Variants in MRPL42 observed in about 807,000 individuals in gnomAD.
MRPL42 encodes mitochondrial ribosomal protein L42, also known as large ribosomal subunit protein mL42.
MRPL42 carries 17 observed loss-of-function variants against 17.9 expected under a neutral mutation model. That is an observed-to-expected ratio of 0.95 (90% CI 0.65 to 1.42). The LOEUF is 1.42. MRPL42 is among the 40% of genes most tolerant of loss of function. The pLI is 0.00. For synonymous variants in MRPL42, 59 were observed against 54.4 expected (o/e 1.08, Z -0.37); for missense variants, 177 against 175.2 (o/e 1.01, Z -0.06).
chr12:93,490,498 T>C (rs1346469360), intron 5 of MRPL42, among the ~76,000 whole-genome samples: 1 of 152,254 alleles, frequency 6.6e-6, no homozygotes, highest in Non-Finnish European at 1.5e-5. Context: ...ATGTATCATC[T>C]TGCTGAATTT....
intron 5 of MRPL42, chr12:93,488,620 T>C (rs976764566): frequency 2.4e-5 from 6 of 251,620 alleles, no homozygotes; most frequent in Non-Finnish European, 3.7e-5. Context: ...TTTTGAGTTA[T>C]CGAAAAAAAC....
At chr12:93,477,163 A>T (rs1414385385) in intron 3 of MRPL42, 146 bp downstream of exon 3, 1 of 602,956 alleles carries the variant, frequency 1.7e-6, no homozygotes, top group Admixed American at 3.7e-5. Context: ...TAATGATTTT[A>T]TTTACCCAGT....
In MRPL42 at chr12:93,504,381, C is replaced by G; in HGVS notation, c.*3160C>G. The G allele has an allele frequency of 6.6e-6, 1 of 152,502 alleles. No individual in the cohort carries two copies. Among genetic ancestry groups the G allele is most frequent in the Non-Finnish European group, 1.5e-5 (1 of 68,104 alleles). 9.4% of individuals were successfully genotyped at this position (152,502 alleles called of 1,614,324 possible). A position where few individuals can be genotyped will look rare whatever the true frequency, so the allele number is the denominator to read the frequency against. On this transcript the variant is annotated 3_prime_UTR_variant, in exon 6 of 6. Coordinates refer to ENST00000549982, the MANE Select transcript of MRPL42 (RefSeq NM_014050.4). Reference sequence around the variant, plus strand: ...GTCTCGAACTCCTGACCTCAAGTGTCCACACACCTTGGCCTCCCAAAGTGC... The same window carrying G: ...GTCTCGAACTCCTGACCTCAAGTGTGCACACACCTTGGCCTCCCAAAGTGC...
At chr12:93,471,839 A>G (rs1879925443) in intron 2 of MRPL42, among the ~76,000 whole-genome samples, 1 of 152,188 alleles carries the variant, frequency 6.6e-6, no homozygotes, top group Non-Finnish European at 1.5e-5. Context: ...GTTGTTGAGA[A>G]TTGGGAGAAA....
intron 5 of MRPL42, among the ~76,000 whole-genome samples, chr12:93,496,798 CTA>C (rs767369265): frequency 2.0e-4 from 23 of 112,700 alleles, no homozygotes; most frequent in Middle Eastern, 0.012. Flanking sequence ...TTCTCAGAGA[CTA>C]TTTTTTTTGG....
Position 93,509,246 on chromosome 12 carries a change from T to G in MRPL42, c.*8025T>G, listed in dbSNP as rs1429322427. On this transcript the variant is annotated 3_prime_UTR_variant, in exon 6 of 6. Transcript: ENST00000549982. Reference sequence around the variant, plus strand: ...GCAAAGTGGTTGTACCATTTTATATTCTCACCACCATGAATGAAAGTTCCA... The same window carrying G: ...GCAAAGTGGTTGTACCATTTTATATGCTCACCACCATGAATGAAAGTTCCA... 2 of 151,988 alleles carry G rather than the reference T, an allele frequency of 1.3e-5. No individual in the cohort carries two copies. Among genetic ancestry groups the G allele is most frequent in the East Asian group, 3.8e-4 (2 of 5,202 alleles). 9.4% of individuals were successfully genotyped at this position (151,988 alleles called of 1,614,324 possible). A position where few individuals can be genotyped will look rare whatever the true frequency, so the allele number is the denominator to read the frequency against.
Position 93,501,252 on chromosome 12 carries a change from A to G in MRPL42, c.*31A>G. 1 of 1,570,702 alleles carries G rather than the reference A, an allele frequency of 6.4e-7. No homozygotes were observed. The highest frequency in any genetic ancestry group is 1.4e-5 in the African/African-American group (1 of 73,096). On this transcript the variant is annotated 3_prime_UTR_variant, in exon 6 of 6. Transcript: ENST00000549982. ...AGGTTCCTGGGGGAATCAAAGAGAA[A>G]TGTGCCTCATTTGCCATTTGAGAAA...
intron 5 of MRPL42, among the ~76,000 whole-genome samples, chr12:93,497,297 G>C (rs1040107798): frequency 6.6e-6 from 1 of 152,126 alleles, no homozygotes; most frequent in Non-Finnish European, 1.5e-5. Flanking sequence ...CTATGGGCCA[G>C]TATCCCTGAT....
chr12:93,491,408 A>C (rs889200600), intron 5 of MRPL42, among the ~76,000 whole-genome samples: 1 of 152,036 alleles, frequency 6.6e-6, no homozygotes, highest in African/African-American at 2.4e-5. Flanking sequence ...GTTTGTTTTC[A>C]GTTAAGTATC....
At chr12:93,486,628 G>C (rs1240634515) in intron 4 of MRPL42, among the ~76,000 whole-genome samples, 1 of 148,966 alleles carries the variant, frequency 6.7e-6, no homozygotes. Context: ...GTGAGCCACC[G>C]CACCCGGCCA....
At chr12:93,469,019 A>G (rs185484988) in intron 1 of MRPL42, among the ~76,000 whole-genome samples, 173 bp from the exon 2 acceptor site, 1 of 152,338 alleles carries the variant, frequency 6.6e-6, no homozygotes, top group East Asian at 1.9e-4. Flanking sequence ...CTGATCTTAT[A>G]TTCTGTCCAT....
At chr12:93,472,216 C>G (rs1225093368) in intron 2 of MRPL42, among the ~76,000 whole-genome samples, 1 of 152,110 alleles carries the variant, frequency 6.6e-6, no homozygotes, top group Admixed American at 6.6e-5. Flanking sequence ...ATTCCATTAT[C>G]AGTTATCCTA....
At position 93,507,919 on chromosome 12, in the gene MRPL42, C is replaced by T. The variant is rs1037879522; in HGVS notation, c.*6698C>T. The T allele has an allele frequency of 2.0e-5, 3 of 152,682 alleles. No homozygotes were observed. Among genetic ancestry groups the T allele is most frequent in the African/African-American group, 7.2e-5 (3 of 41,516 alleles). The allele number at this position is 152,682 out of a possible 1,614,324, so 9.5% of individuals were successfully genotyped here. A position where few individuals can be genotyped will look rare whatever the true frequency, so the allele number is the denominator to read the frequency against. The stretch of plus-strand genomic sequence containing the variant: ...TTGAGCCCAGGAGTTCAAGACCAGC[C>T]TGGGCAACATAGTGAGAGCCCATCT... On this transcript the variant is annotated 3_prime_UTR_variant, in exon 6 of 6. Coordinates refer to ENST00000549982, the MANE Select transcript of MRPL42 (RefSeq NM_014050.4).
intron 5 of MRPL42, chr12:93,488,621 C>T (rs921238236): frequency 2.8e-5 from 7 of 248,536 alleles, no homozygotes; most frequent in Admixed American, 1.1e-4. Context: ...TTTGAGTTAT[C>T]GAAAAAAACA....
chr12:93,470,358 G>T, intron 2 of MRPL42: 1 of 814,562 alleles, frequency 1.2e-6, no homozygotes, highest in Non-Finnish European at 1.6e-6. Context: ...AGAGTTTATA[G>T]CTCTTATAAA....
In MRPL42 at chr12:93,469,391, A is replaced by G. The variant is rs748654146; in HGVS notation, c.70+36A>G. 6.8e-6 allele frequency: 10 copies of G among 1,475,306 alleles called. No individual in the cohort carries two copies. The East Asian group carries it at 1.9e-4, about 28-fold the overall frequency. The allele number at this position is 1,475,306 out of a possible 1,614,324, so 91.4% of individuals were successfully genotyped here. ...TTTTTTTTAATGTTTAAAAACTTTT[A>G]AACTTTTAAGAATTAAGAAAATTTA... On this transcript the variant is annotated intron_variant, in intron 2 of 5. Coordinates refer to ENST00000549982, the MANE Select transcript of MRPL42 (RefSeq NM_014050.4).
chr12:93,471,347 A>G (rs1565808160), intron 2 of MRPL42, among the ~76,000 whole-genome samples: 1 of 152,066 alleles, frequency 6.6e-6, no homozygotes, highest in Non-Finnish European at 1.5e-5. Context: ...TATTTTTAGT[A>G]GAGGTAAAGT....
intron 5 of MRPL42, among the ~76,000 whole-genome samples, chr12:93,489,944 T>C (rs10859500): frequency 0.28 from 43,014 of 152,248 alleles, 7,363 homozygotes; most frequent in Non-Finnish European, 0.39. Context: ...AACCATCTCA[T>C]AGCCCTGTGC....
rs1355295683 is a variant in MRPL42, at chr12:93,503,037, G to T, written c.*1816G>T. ...CTCTGTTCCTCCCCCGTCCCCCAGGGATAAGAACCTGTTATCCACCATCAG... is the reference window on the plus strand; with the variant it reads ...CTCTGTTCCTCCCCCGTCCCCCAGGTATAAGAACCTGTTATCCACCATCAG... On this transcript the variant is annotated 3_prime_UTR_variant, in exon 6 of 6. Coordinates refer to ENST00000549982, the MANE Select transcript of MRPL42 (RefSeq NM_014050.4). 6.6e-6 allele frequency: 1 copy of T among 152,192 alleles called. No individual in the cohort carries two copies. Among genetic ancestry groups the T allele is most frequent in the African/African-American group, 2.4e-5 (1 of 41,450 alleles). 9.4% of individuals were successfully genotyped at this position (152,192 alleles called of 1,614,324 possible).
Sources: allele counts gnomAD v4.1 joint callset (sites outside exome capture counted in the v4.1 genomes callset), GRCh38; gene constraint gnomAD v4.1.1; transcripts MANE v1.5; gene names NCBI Gene and HGNC (gene_info 2026-07-23, HGNC 2026-07-21).